FRMD6: variants seen among roughly 807,000 people sequenced by gnomAD.
FRMD6 encodes FERM domain containing 6.
In FRMD6, 37 loss-of-function variants were observed where a neutral mutation model predicts 73.2. The ratio of observed to expected loss-of-function variants is 0.51; its 90% CI spans 0.39 to 0.66. The LOEUF is 0.66. FRMD6 is among the 30% of genes least tolerant of loss of function. The pLI, the probability that FRMD6 is intolerant of heterozygous loss-of-function variation, is 0.00. For synonymous variants in FRMD6, 273 were observed against 282.2 expected (o/e 0.97, Z 0.33); for missense variants, 714 against 780.5 (o/e 0.91, Z 1.02).
At chr14:51,643,449 T>A (rs542893276) in intron 2 of FRMD6, 2 of 152,346 alleles carry the variant, frequency 1.3e-5, no homozygotes, top group East Asian at 3.9e-4. Flanking sequence ...CAATTTTCTT[T>A]AGGCTTCTTC....
At chr14:51,476,210 A>G in the FRMD6 span, among the ~76,000 whole-genome samples, 4 of 152,180 alleles carry the variant, frequency 2.6e-5, no homozygotes, top group African/African-American at 9.6e-5. Context: ...GGTGTGTTGC[A>G]TCTTAGAATG....
At chr14:51,725,699 T>C in intron 12 of FRMD6, 80 bp from the exon 13 acceptor site, 1 of 1,069,936 alleles carries the variant, frequency 9.3e-7, no homozygotes, top group Middle Eastern at 2.1e-4. Context: ...TCATTCCTGA[T>C]AGCAATATGT....
intron 1 of FRMD6, among the ~76,000 whole-genome samples, chr14:51,503,681 GT>G (rs111966123): frequency 0.53 from 74,149 of 140,810 alleles, 18,893 homozygotes; most frequent in East Asian, 0.62. Flanking sequence ...GAAGTTTTTT[GT>G]TTTTTTTTTT....
intron 5 of FRMD6, 117 bp downstream of exon 5, chr14:51,702,705 G>A: frequency 1.3e-6 from 1 of 778,542 alleles, no homozygotes; most frequent in Non-Finnish European, 2.1e-6. Context: ...TATAAACTCT[G>A]TAGGAGCAGC....
At chr14:51,493,575 C>G (rs1382096795) in intron 1 of FRMD6, among the ~76,000 whole-genome samples, 1 of 152,188 alleles carries the variant, frequency 6.6e-6, no homozygotes, top group African/African-American at 2.4e-5. Context: ...ATCCCCAGCC[C>G]TGTGGAACTG....
chr14:51,493,537 C>T (rs1883132408), intron 1 of FRMD6, among the ~76,000 whole-genome samples: 1 of 152,190 alleles, frequency 6.6e-6, no homozygotes, highest in South Asian at 2.1e-4. Context: ...TTTTGCTCTT[C>T]CTTTGCCTTC....
intron 1 of FRMD6, among the ~76,000 whole-genome samples, chr14:51,545,778 A>T (rs1482687290): frequency 6.6e-6 from 1 of 152,182 alleles, no homozygotes; most frequent in Non-Finnish European, 1.5e-5. Context: ...TGTTTATCAA[A>T]TTGATAAATC....
At chr14:51,551,857 T>G (rs1596582902) in intron 1 of FRMD6, among the ~76,000 whole-genome samples, 1 of 152,068 alleles carries the variant, frequency 6.6e-6, no homozygotes, top group Non-Finnish European at 1.5e-5. Context: ...TGTTAAAATA[T>G]TTTTAGTATA....
At position 51,715,128 on chromosome 14, in the gene FRMD6, C is replaced by T. The variant is rs1897168345; in HGVS notation, c.850-197C>T. 9 of 440,244 alleles carry T rather than the reference C, an allele frequency of 2.0e-5. No homozygotes were observed. The South Asian group carries it at 3.8e-4, about 19-fold the overall frequency. The allele number at this position is 440,244 out of a possible 1,614,324, so 27.3% of individuals were successfully genotyped here. The stretch of plus-strand genomic sequence containing the variant: ...ACTGACAGACCCTTGTGGCTAGATG[C>T]TTTCCTGAATTTCTGGTCATCCCCT... On this transcript the variant is annotated intron_variant, in intron 9 of 13. Coordinates refer to ENST00000344768, the MANE Select transcript of FRMD6 (RefSeq NM_001267046.2).
intron 1 of FRMD6, among the ~76,000 whole-genome samples, chr14:51,657,820 C>G (rs948954422): frequency 3.3e-5 from 5 of 151,910 alleles, no homozygotes; most frequent in African/African-American, 4.9e-5. Context: ...TTGGAATATA[C>G]CAACTAGATA....
intron 6 of FRMD6, among the ~76,000 whole-genome samples, chr14:51,707,478 G>C (rs190244202): frequency 9.2e-5 from 14 of 152,248 alleles, no homozygotes; most frequent in African/African-American, 3.4e-4. Flanking sequence ...CCAGAGTACT[G>C]TCTGATGAAA....
chr14:51,659,379 T>C (rs140969434), intron 1 of FRMD6, among the ~76,000 whole-genome samples: 55 of 152,364 alleles, frequency 3.6e-4, no homozygotes, highest in Admixed American at 1.2e-3. Flanking sequence ...AAAGGACTTA[T>C]AGTTTTATTG....
chr14:51,711,392 G>A (rs1162303594), intron 7 of FRMD6, 139 bp from the exon 8 acceptor site: 16 of 519,114 alleles, frequency 3.1e-5, no homozygotes, highest in Non-Finnish European at 5.1e-5. Flanking sequence ...TATGTGGAAA[G>A]GCTTGAGCAA....
At chr14:51,473,705 T>A in the FRMD6 span, among the ~76,000 whole-genome samples, 2 of 152,180 alleles carry the variant, frequency 1.3e-5, no homozygotes, top group Non-Finnish European at 2.9e-5. Flanking sequence ...CAGTACTTTC[T>A]CCGCCTACCC....
chr14:51,567,543 T>C (rs111723502), intron 1 of FRMD6, among the ~76,000 whole-genome samples: 16 of 152,212 alleles, frequency 1.1e-4, no homozygotes, highest in African/African-American at 3.6e-4. Context: ...TCTTGCTATG[T>C]TGCCCAGGCT....
the FRMD6 span, among the ~76,000 whole-genome samples, chr14:51,433,020 C>A: frequency 6.6e-6 from 1 of 152,326 alleles, no homozygotes; most frequent in Admixed American, 6.5e-5. Flanking sequence ...CACTGAGATA[C>A]GATTTCTTGC....
intron 2 of FRMD6, among the ~76,000 whole-genome samples, chr14:51,599,372 C>A (rs1284563210): frequency 6.6e-6 from 1 of 152,038 alleles, no homozygotes; most frequent in Non-Finnish European, 1.5e-5. Flanking sequence ...AACATAAGGC[C>A]ACAAAGTATA....
intron 1 of FRMD6, among the ~76,000 whole-genome samples, chr14:51,537,362 C>T (rs1484248495): frequency 6.6e-6 from 1 of 152,168 alleles, no homozygotes; most frequent in South Asian, 2.1e-4. Context: ...CAGAGTATTT[C>T]ATTGTATTGG....
the FRMD6 span, among the ~76,000 whole-genome samples, chr14:51,460,005 C>A: frequency 6.7e-6 from 1 of 148,634 alleles, no homozygotes; most frequent in East Asian, 2.0e-4. Context: ...ATTACTATTT[C>A]CGTTAATACA....
Sources: allele counts gnomAD v4.1 joint callset (sites outside exome capture counted in the v4.1 genomes callset), GRCh38; gene constraint gnomAD v4.1.1; transcripts MANE v1.5; gene names NCBI Gene and HGNC (gene_info 2026-07-23, HGNC 2026-07-21).